UCMA: variants seen among roughly 807,000 people sequenced by gnomAD.
UCMA encodes upper zone of growth plate and cartilage matrix-associated protein.
UCMA carries 21 observed loss-of-function variants against 21.8 expected under a neutral mutation model. The ratio of observed to expected loss-of-function variants is 0.97; its 90% CI spans 0.68 to 1.39. The LOEUF (loss-of-function observed/expected upper bound fraction) is 1.39, where lower values mean the gene tolerates loss of function less well. Ranked by LOEUF, UCMA falls within the 40% of genes most tolerant of loss-of-function variation. The pLI is 0.00. For synonymous variants in UCMA, 76 were observed against 67.9 expected (o/e 1.12, Z -0.58); for missense variants, 193 against 178.9 (o/e 1.08, Z -0.45).
At chr10:13,230,989 G>A (rs150916452) in intron 3 of UCMA, among the ~76,000 whole-genome samples, 325 of 152,250 alleles carry the variant, frequency 2.1e-3, no homozygotes, top group African/African-American at 7.4e-3. Flanking sequence ...CCGGGGAGGT[G>A]GAGGTTGAGA....
chr10:13,229,533 TAGA>T (rs1834870088), intron 4 of UCMA, 75 bp downstream of exon 4: 4 of 1,292,006 alleles, frequency 3.1e-6, no homozygotes, highest in South Asian at 1.3e-5. Flanking sequence ...AAAAGTTGGG[TAGA>T]AGAAGAGAAA....
chr10:13,232,604 A>G (rs1023799377), intron 3 of UCMA, among the ~76,000 whole-genome samples: 1 of 152,090 alleles, frequency 6.6e-6, no homozygotes, highest in African/African-American at 2.4e-5. Context: ...TTTTTTTTAA[A>G]AAAAGAAATT....
rs749565245 is a variant in UCMA, at chr10:13,222,220, C to A, written c.320-20G>T. 6.2e-7 allele frequency: 1 copy of A among 1,611,260 alleles called. No individual in the cohort carries two copies. The highest frequency in any genetic ancestry group is 2.2e-5 in the East Asian group (1 of 44,858). On this transcript the variant is annotated intron_variant, in intron 4 of 4. Transcript: ENST00000378681. ...CCTGCTCTGGGGAGGAAAGACAAAG[C>A]CACCTGTTAGGACAGGGGGACTCTG...
rs1221328340 is a variant in UCMA at position 13,230,649 on chromosome 10, G to A, written c.221-940C>T. 2.0e-5 allele frequency among the ~76,000 whole-genome samples: 3 copies of A among 152,180 alleles called. No individual in the cohort carries two copies. In the South Asian group the frequency reaches 6.2e-4, roughly 32 times the overall value. On this transcript the variant is annotated intron_variant, in intron 3 of 4. Transcript: ENST00000378681. ...AACTCTGATGTGCAAGAGGAGGCTG[G>A]GGGGTGCTGAAGGAAGCAGAGAAGC...
chr10:13,233,177 C>G (rs770478401), intron 3 of UCMA, among the ~76,000 whole-genome samples: 2 of 152,034 alleles, frequency 1.3e-5, no homozygotes, highest in African/African-American at 4.8e-5. Flanking sequence ...TGGGTCGCCT[C>G]CAGACCAGAA....
At chr10:13,231,102 C>T (rs1461713597) in intron 3 of UCMA, among the ~76,000 whole-genome samples, 2 of 151,910 alleles carry the variant, frequency 1.3e-5, no homozygotes, top group African/African-American at 4.8e-5. Flanking sequence ...AAGTAAGACG[C>T]TTACCTTAAT....
intron 4 of UCMA, among the ~76,000 whole-genome samples, chr10:13,228,300 G>T (rs1167555653): frequency 3.9e-5 from 6 of 152,090 alleles, no homozygotes; most frequent in Non-Finnish European, 8.8e-5. Flanking sequence ...GACCTCAAGT[G>T]ATCCGCCCAC....
Position 13,233,801 on chromosome 10 carries a change from C to A in UCMA, c.59-1G>T. On this transcript the variant is annotated splice_acceptor_variant, in intron 1 of 4. Transcript: ENST00000378681. LOFTEE classifies it high-confidence loss of function. ...GATACACTGGTTCCCTCTCTCAGCA[C>A]TGCAGGACAAGGGCACAGAGTGAGG... is the stretch of plus-strand genomic sequence containing the variant. 1 of 1,613,854 alleles carries A rather than the reference C, an allele frequency of 6.2e-7. No individual in the cohort carries two copies. Among genetic ancestry groups the A allele is most frequent in the African/African-American group, 1.3e-5 (1 of 74,940 alleles).
chr10:13,233,895 G>T, intron 1 of UCMA, 95 bp from the exon 2 acceptor site: 1 of 1,498,412 alleles, frequency 6.7e-7, no homozygotes, highest in Non-Finnish European at 9.0e-7. Flanking sequence ...TAAGCGTCCT[G>T]CCAGGGCCTG....
chr10:13,224,153 C>T (rs1243706441), intron 4 of UCMA, among the ~76,000 whole-genome samples: 8 of 152,032 alleles, frequency 5.3e-5, no homozygotes, highest in Admixed American at 3.3e-4. Flanking sequence ...AGCAAGACAT[C>T]GTCTCTACAA....
chr10:13,228,645 C>T (rs1373993375), intron 4 of UCMA, among the ~76,000 whole-genome samples: 13 of 152,138 alleles, frequency 8.5e-5, no homozygotes. Flanking sequence ...TGGAGTAGGA[C>T]CTGGAGCCAG....
At position 13,233,782 on chromosome 10, in the gene UCMA, C is replaced by T; in HGVS notation, c.77G>A (p.Ser26Asn). Reference sequence around the variant, plus strand: ...CATCTGCATGGTGCCCACAGATACACTGGTTCCCTCTCTCAGCACTGCAGG... The same window carrying T: ...CATCTGCATGGTGCCCACAGATACATTGGTTCCCTCTCTCAGCACTGCAGG... Reference protein sequence around the residue: ...VLLSMLREGTSVSVGTMQMAG... With the variant: ...VLLSMLREGTNVSVGTMQMAG... Residue 26 changes from serine to asparagine, a missense_variant, in exon 2 of 5, where the codon AGT becomes AAT. By Grantham distance (46) the Ser-to-Asn change is conservative. Transcript: ENST00000378681. 6.2e-7 allele frequency: 1 copy of T among 1,613,970 alleles called. No individual in the cohort carries two copies. The highest frequency in any genetic ancestry group is 8.5e-7 in the Non-Finnish European group (1 of 1,180,024).
chr10:13,230,962 C>T (rs1834890022), intron 3 of UCMA, among the ~76,000 whole-genome samples: 1 of 152,056 alleles, frequency 6.6e-6, no homozygotes, highest in Non-Finnish European at 1.5e-5. Context: ...GAGGGTGAGG[C>T]AGGAGAATTG....
intron 3 of UCMA, among the ~76,000 whole-genome samples, 196 bp from the exon 4 acceptor site, chr10:13,229,905 C>T (rs1202549412): frequency 6.6e-6 from 1 of 152,060 alleles, no homozygotes; most frequent in Admixed American, 6.6e-5. Context: ...TTATCTGATC[C>T]AGCTGCCTCA....
chr10:13,227,629 A>G (rs1291897291), intron 4 of UCMA, among the ~76,000 whole-genome samples: 1 of 150,970 alleles, frequency 6.6e-6, no homozygotes, highest in Non-Finnish European at 1.5e-5. Flanking sequence ...GAGACAGGAG[A>G]ATCACTTGAA....
At chr10:13,234,139 T>C in intron 1 of UCMA, 62 bp downstream of exon 1, 1 of 1,501,286 alleles carries the variant, frequency 6.7e-7, no homozygotes, top group Non-Finnish European at 9.0e-7. Flanking sequence ...GCCTTACCTG[T>C]GCATGGTAAG....
At chr10:13,228,305 G>A (rs975727323) in intron 4 of UCMA, among the ~76,000 whole-genome samples, 51 of 152,110 alleles carry the variant, frequency 3.4e-4, no homozygotes, top group African/African-American at 1.2e-3. Flanking sequence ...CAAGTGATCC[G>A]CCCACCTCAG....
chr10:13,224,362 G>A (rs1834797128), intron 4 of UCMA, among the ~76,000 whole-genome samples: 1 of 146,620 alleles, frequency 6.8e-6, no homozygotes, highest in African/African-American at 2.5e-5. Context: ...AGGGAGGGAG[G>A]GAAAGAGAAA....
At chr10:13,222,539 A>T (rs576011530) in intron 4 of UCMA, among the ~76,000 whole-genome samples, 1 of 152,328 alleles carries the variant, frequency 6.6e-6, no homozygotes, top group South Asian at 2.1e-4. Context: ...AAAAGTAACA[A>T]CACAGTAGCA....
Sources: gnomAD v4.1 joint callset for allele counts (sites outside exome capture counted in the v4.1 genomes callset) on GRCh38, gnomAD v4.1.1 for gene constraint, MANE v1.5 for transcripts, NCBI Gene and HGNC (gene_info 2026-07-23, HGNC 2026-07-21) for gene names.